RRN3: variants seen among roughly 807,000 people sequenced by gnomAD.
RRN3 encodes the protein RNA polymerase I transcription factor RRN3.
A neutral mutation model predicts 82.3 loss-of-function variants in RRN3; 38 were observed. That is an observed-to-expected ratio of 0.46 (90% CI 0.36 to 0.61). The LOEUF (loss-of-function observed/expected upper bound fraction) is 0.61. Among genes scored for constraint, RRN3 ranks in the 20% least tolerant of loss-of-function variants. The pLI, the probability that RRN3 is intolerant of heterozygous loss-of-function variation, is 0.00. For missense variants in RRN3, 726 were observed against 793.1 expected, an observed-to-expected ratio of 0.92 and a Z score of 1.02; for synonymous variants, 284 against 284.3, an observed-to-expected ratio of 1.00 and a Z score of 0.01.
chr16:15,062,795 G>T (rs2044766650), intron 17 of RRN3, among the ~76,000 whole-genome samples: 1 of 152,326 alleles, frequency 6.6e-6, no homozygotes, highest in East Asian at 1.9e-4. Flanking sequence ...AAAAGCCATA[G>T]ACTCTTTAAA....
chr16:15,090,387 T>C (rs2046084108), intron 3 of RRN3, among the ~76,000 whole-genome samples: 1 of 152,200 alleles, frequency 6.6e-6, no homozygotes, highest in Admixed American at 6.5e-5. Context: ...TCAGAGACTG[T>C]TCTAAGTGCT....
Position 15,093,923 on chromosome 16 carries a change from G to T in RRN3, c.89+222C>A, listed in dbSNP as rs1057242739. The T allele has an allele frequency of 8.8e-4, 483 of 547,274 alleles. 2 individuals carry two copies. Among genetic ancestry groups the T allele is most frequent in the Non-Finnish European group, 1.3e-3 (397 of 313,294 alleles). The allele number at this position is 547,274 out of a possible 1,614,324, so 33.9% of individuals were successfully genotyped here. On this transcript the variant is annotated intron_variant, in intron 1 of 17. Coordinates refer to ENST00000198767, the MANE Select transcript of RRN3 (RefSeq NM_018427.5). The stretch of plus-strand genomic sequence containing the variant: ...TCACGAAGAGACACAGTCGGGAAAG[G>T]GGGCCTCCAGAACAGAGAACATAGT...
At chr16:15,075,506 G>A (rs1425085943) in intron 10 of RRN3, among the ~76,000 whole-genome samples, 1 of 151,742 alleles carries the variant, frequency 6.6e-6, no homozygotes, top group Non-Finnish European at 1.5e-5. Context: ...AGGAGGTCGA[G>A]GCTGGAGTGG....
intron 3 of RRN3, among the ~76,000 whole-genome samples, chr16:15,087,381 A>G (rs1243436784): frequency 6.6e-6 from 1 of 152,178 alleles, no homozygotes; most frequent in Non-Finnish European, 1.5e-5. Flanking sequence ...AGAACGATTA[A>G]TAAGCAATCT....
At position 15,061,862 on chromosome 16, in the gene RRN3, A is replaced by AC; in HGVS notation, c.1837dup (p.Val613GlyfsTer5). ...CCCAATCACGGTATCATTCTGGGGC[A>AC]CTTCGCCTTTCAGAAAGTCATCATC... On this transcript the variant is annotated frameshift_variant, in exon 18 of 18. Coordinates refer to ENST00000198767, the MANE Select transcript of RRN3 (RefSeq NM_018427.5). LOFTEE classifies it high-confidence loss of function. The AC allele has an allele frequency of 6.2e-7, 1 of 1,613,474 alleles. No individual in the cohort carries two copies. Among genetic ancestry groups the AC allele is most frequent in the Non-Finnish European group, 8.5e-7 (1 of 1,179,386 alleles).
chr16:15,080,895 T>C (rs918157529), intron 8 of RRN3, among the ~76,000 whole-genome samples: 4 of 152,086 alleles, frequency 2.6e-5, no homozygotes, highest in Admixed American at 6.6e-5. Context: ...TGTTGTAACA[T>C]GTAAACCATT....
intron 2 of RRN3, among the ~76,000 whole-genome samples, chr16:15,091,653 T>C (rs1287797974): frequency 6.6e-6 from 1 of 152,136 alleles, no homozygotes; most frequent in Non-Finnish European, 1.5e-5. Context: ...TCAAAAAGCA[T>C]GAGGGAAAAA....
At chr16:15,085,374 C>A (rs1206338450) in intron 6 of RRN3, among the ~76,000 whole-genome samples, 1 of 151,988 alleles carries the variant, frequency 6.6e-6, no homozygotes, top group Non-Finnish European at 1.5e-5. Flanking sequence ...AGGGCTTGAA[C>A]TCCTGGGCTC....
At chr16:15,079,166 G>A (rs2045592707) in intron 9 of RRN3, among the ~76,000 whole-genome samples, 1 of 81,682 alleles carries the variant, frequency 1.2e-5, no homozygotes, top group Non-Finnish European at 3.5e-5. Context: ...ATTCCACAGG[G>A]AGCAAAGTTG....
Position 15,060,034 on chromosome 16 carries a change from G to T in RRN3, c.*1710C>A. Reference sequence around the variant, plus strand: ...AACAAAACAGAAATTGAAAGAACATGTATTGAGGTACCTTTTATTGGTATA... The same window carrying T: ...AACAAAACAGAAATTGAAAGAACATTTATTGAGGTACCTTTTATTGGTATA... On this transcript the variant is annotated 3_prime_UTR_variant, in exon 18 of 18. Transcript: ENST00000198767. 5.4e-6 allele frequency: 1 copy of T among 183,892 alleles called. No homozygotes were observed. Among genetic ancestry groups the T allele is most frequent in the South Asian group, 8.4e-5 (1 of 11,960 alleles). 11.4% of individuals were successfully genotyped at this position (183,892 alleles called of 1,614,324 possible). A position where few individuals can be genotyped will look rare whatever the true frequency, so the allele number is the denominator to read the frequency against.
intron 1 of RRN3, 122 bp from the exon 2 acceptor site, chr16:15,092,736 C>T: frequency 1.5e-6 from 1 of 662,616 alleles, no homozygotes; most frequent in South Asian, 1.9e-5. Flanking sequence ...ACTGGTCTCC[C>T]TGCTTCCACT....
chr16:15,066,961 C>A (rs959140231), intron 15 of RRN3, among the ~76,000 whole-genome samples: 2 of 151,870 alleles, frequency 1.3e-5, no homozygotes, highest in African/African-American at 4.8e-5. Flanking sequence ...AGTCCTCTGT[C>A]CCCACCCCGA....
chr16:15,072,887 T>C, intron 12 of RRN3, 63 bp downstream of exon 12: 2 of 1,572,310 alleles, frequency 1.3e-6, no homozygotes, highest in African/African-American at 1.4e-5. Context: ...CCCCAGTTTT[T>C]AGGGAAAATT....
At chr16:15,078,462 C>A (rs1386682581) in intron 9 of RRN3, among the ~76,000 whole-genome samples, 1 of 152,068 alleles carries the variant, frequency 6.6e-6, no homozygotes, top group African/African-American at 2.4e-5. Flanking sequence ...GTTTCTGCGT[C>A]TTCACTGACA....
At position 15,068,729 on chromosome 16, in the gene RRN3, T is replaced by TC. The variant is rs1362868251; in HGVS notation, c.1445-453_1445-452insG. Among the ~76,000 whole-genome samples, 12 of 152,300 alleles carry TC rather than the reference T, an allele frequency of 7.9e-5. No individual in the cohort carries two copies. The East Asian group carries it at 2.3e-3, about 29-fold the overall frequency. ...AGGTGCACAGTAGTCATCTGTAGTT[T>TC]TTTTTCTAAACAAGAAAACTCCAAA... On this transcript the variant is annotated intron_variant, in intron 14 of 17. Coordinates refer to ENST00000198767, the MANE Select transcript of RRN3 (RefSeq NM_018427.5).
chr16:15,089,573 G>A (rs2046037581), intron 3 of RRN3, among the ~76,000 whole-genome samples: 2 of 151,962 alleles, frequency 1.3e-5, no homozygotes. Flanking sequence ...GGCCAAGGCG[G>A]GCGGATCACG....
At chr16:15,082,884 A>G (rs1334455376) in intron 8 of RRN3, among the ~76,000 whole-genome samples, 4 of 152,232 alleles carry the variant, frequency 2.6e-5, no homozygotes, top group Non-Finnish European at 5.9e-5. Context: ...AAAATAAGGC[A>G]TGTTCACAAT....
intron 10 of RRN3, 56 bp downstream of exon 10, chr16:15,076,502 C>T (rs144083489): frequency 5.1e-5 from 58 of 1,146,304 alleles, no homozygotes; most frequent in Non-Finnish European, 6.6e-5. Flanking sequence ...GCAGCACTAG[C>T]TGTTTCCACC....
At chr16:15,074,388 G>A (rs181029914) in intron 11 of RRN3, among the ~76,000 whole-genome samples, 33 of 152,188 alleles carry the variant, frequency 2.2e-4, no homozygotes, top group African/African-American at 6.0e-4. Context: ...AATACATAAC[G>A]GAGCACCATA....
Sources: gnomAD v4.1 joint callset for allele counts (sites outside exome capture counted in the v4.1 genomes callset) on GRCh38, gnomAD v4.1.1 for gene constraint, MANE v1.5 for transcripts, NCBI Gene and HGNC (gene_info 2026-07-23, HGNC 2026-07-21) for gene names.